Variants in AP2A1 observed in about 807,000 individuals in gnomAD.
AP2A1 encodes AP-2 complex subunit alpha-1.
In AP2A1, 21 loss-of-function variants were observed where a neutral mutation model predicts 107.3. That is an observed-to-expected ratio of 0.20 (90% confidence interval 0.14 to 0.28). AP2A1 has a LOEUF of 0.28. Among genes scored for constraint, AP2A1 ranks in the 10% least tolerant of loss-of-function variants. AP2A1 has a pLI of 1.00. For synonymous variants in AP2A1, 602 were observed against 564.8 expected (o/e 1.07, Z -0.93); for missense variants, 873 against 1,307.7 (o/e 0.67, Z 5.13).
intron 1 of AP2A1, among the ~76,000 whole-genome samples, chr19:49,769,219 C>T (rs547629806): frequency 6.6e-6 from 1 of 151,702 alleles, no homozygotes; most frequent in East Asian, 1.9e-4. Context: ...CCATTGCACT[C>T]CAGGCTGGGC....
At chr19:49,774,004 C>A (rs183914454) in intron 1 of AP2A1, among the ~76,000 whole-genome samples, 13 of 107,648 alleles carry the variant, frequency 1.2e-4, no homozygotes, top group African/African-American at 5.0e-4. Context: ...ACTTTTACTT[C>A]GAACTTGCTG....
rs376108165 is a variant in AP2A1 at position 49,787,796 on chromosome 19, C to T, written c.474-4139C>T. Among the ~76,000 whole-genome samples, 171 of 152,298 alleles carry T rather than the reference C, an allele frequency of 1.1e-3. 1 individual carries two copies. The South Asian group carries it at 0.024, about 21-fold the overall frequency. On this transcript the variant is annotated intron_variant, in intron 4 of 22. Transcript: ENST00000354293. ...GCAGTCCCTCCCCATTCCCTCTTCC[C>T]CCCAGCCCCTGGCTGCCACCAATCT... is the stretch of plus-strand genomic sequence containing the variant.
At chr19:49,790,785 T>G (rs2073132105) in intron 4 of AP2A1, among the ~76,000 whole-genome samples, 1 of 152,228 alleles carries the variant, frequency 6.6e-6, no homozygotes, top group Non-Finnish European at 1.5e-5. Flanking sequence ...TTTAAAAACC[T>G]AAGCCAGATC....
chr19:49,804,759 T>G (rs1170014390), intron 18 of AP2A1: 1 of 152,242 alleles, frequency 6.6e-6, no homozygotes, highest in African/African-American at 2.4e-5. Context: ...TTTTCTTTTT[T>G]TAAATAGAGT....
chr19:49,801,904 G>T lies in AP2A1; in HGVS notation c.1953+15G>T, dbSNP rs976617237. The T allele has an allele frequency of 6.1e-6, 9 of 1,467,556 alleles. No individual in the cohort carries two copies. The highest frequency in any genetic ancestry group is 1.4e-5 in the South Asian group (1 of 69,950). The allele number at this position is 1,467,556 out of a possible 1,614,324, so 90.9% of individuals were successfully genotyped here. A position where few individuals can be genotyped will look rare whatever the true frequency, so the allele number is the denominator to read the frequency against. ...CCAGCACTGTGGTGAGTCCCCTGGGGTGGGCCCTGCCAGGGTGCCTGGGGC... is the reference window on the plus strand; with the variant it reads ...CCAGCACTGTGGTGAGTCCCCTGGGTTGGGCCCTGCCAGGGTGCCTGGGGC... On this transcript the variant is annotated intron_variant, in intron 14 of 22. Coordinates refer to ENST00000354293, the MANE Select transcript of AP2A1 (RefSeq NM_130787.3).
At chr19:49,780,602 C>A (rs931647981) in intron 1 of AP2A1, among the ~76,000 whole-genome samples, 1 of 152,130 alleles carries the variant, frequency 6.6e-6, no homozygotes, top group Non-Finnish European at 1.5e-5. Flanking sequence ...TATGGAAACA[C>A]GAGGGAGGCA....
rs1443790955 is a variant in AP2A1 at position 49,782,108 on chromosome 19, G to A, written c.279+19G>A. 3.2e-6 allele frequency: 5 copies of A among 1,545,676 alleles called. No individual in the cohort carries two copies. Among genetic ancestry groups the A allele is most frequent in the Admixed American group, 2.0e-5 (1 of 50,424 alleles). On this transcript the variant is annotated intron_variant, in intron 3 of 22. Coordinates refer to ENST00000354293, the MANE Select transcript of AP2A1 (RefSeq NM_130787.3). Reference sequence around the variant, plus strand: ...GCAAATAGTGAGTCTGGAGAGGGGGGTGCCAGGGCCTGGACTCCTGGGTCT... The same window carrying A: ...GCAAATAGTGAGTCTGGAGAGGGGGATGCCAGGGCCTGGACTCCTGGGTCT...
intron 10 of AP2A1, 29 bp downstream of exon 10, chr19:49,799,795 CTT>C (rs763288834): frequency 4.4e-6 from 7 of 1,606,264 alleles, no homozygotes; most frequent in Non-Finnish European, 5.9e-6. Context: ...GGGCTGGACT[CTT>C]GGGTCTGAGG....
At chr19:49,795,236 C>G (rs984766609) in intron 6 of AP2A1, among the ~76,000 whole-genome samples, 12 of 152,324 alleles carry the variant, frequency 7.9e-5, no homozygotes, top group Admixed American at 7.8e-4. Context: ...GAGACCTTTC[C>G]TGCCCACCAC....
At chr19:49,767,317 C>T in intron 1 of AP2A1, 117 bp downstream of exon 1, 1 of 1,273,978 alleles carries the variant, frequency 7.8e-7, no homozygotes, top group East Asian at 2.4e-5. Flanking sequence ...CGTATAGGGA[C>T]AGCATAGATG....
At chr19:49,772,830 C>A (rs576922336) in intron 1 of AP2A1, among the ~76,000 whole-genome samples, 1 of 152,064 alleles carries the variant, frequency 6.6e-6, no homozygotes, top group South Asian at 2.1e-4. Context: ...AAAAAAAGGC[C>A]CTGATGCCCC....
chr19:49,802,401 T>G, intron 15 of AP2A1: 1 of 1,004,968 alleles, frequency 1.0e-6, no homozygotes, highest in Non-Finnish European at 1.5e-6. Flanking sequence ...AGCCTGCTCT[T>G]CCTTTTCTCC....
rs766833603 is a variant in AP2A1, at chr19:49,793,005, C to T, written c.618C>T (p.Ala206=). ...TGCCCCTGCAGGGTGTGGTCACGGC[C>T]GCCGTCAGCCTCATCACCTGTCTCT... ...LNDQHMGVVT[A]AVSLITCLCK... The change falls in exon 6 of 23, where the codon GCC becomes GCT. Residue 206 remains alanine (A), a synonymous_variant. Coordinates refer to ENST00000354293, the MANE Select transcript of AP2A1 (RefSeq NM_130787.3). 7 of 1,604,636 alleles carry T rather than the reference C, an allele frequency of 4.4e-6. No homozygotes were observed. The highest frequency in any genetic ancestry group is 2.7e-5 in the African/African-American group (2 of 74,776).
At chr19:49,771,155 T>C (rs1409191580) in intron 1 of AP2A1, among the ~76,000 whole-genome samples, 1 of 151,614 alleles carries the variant, frequency 6.6e-6, no homozygotes, top group Non-Finnish European at 1.5e-5. Context: ...CCGGCAGCAT[T>C]CAGAGCTTCT....
chr19:49,767,231 G>A, intron 1 of AP2A1, 31 bp downstream of exon 1: 1 of 1,607,888 alleles, frequency 6.2e-7, no homozygotes, highest in Non-Finnish European at 8.5e-7. Context: ...CACTGGAGAC[G>A]CGGGGGAGGG....
intron 4 of AP2A1, among the ~76,000 whole-genome samples, chr19:49,789,394 G>A (rs1454536446): frequency 2.6e-5 from 4 of 152,018 alleles, no homozygotes; most frequent in Admixed American, 2.0e-4. Context: ...AGGTTCAAGC[G>A]ATTCTCCTGC....
chr19:49,795,587 T>TTCC, intron 6 of AP2A1, 43 bp from the exon 7 acceptor site: 4 of 292,412 alleles, frequency 1.4e-5, no homozygotes, highest in South Asian at 9.6e-5. Flanking sequence ...CACGTGCCCC[T>TTCC]CCCACCCCAG....
At chr19:49,772,008 T>C (rs948501663) in intron 1 of AP2A1, among the ~76,000 whole-genome samples, 5 of 152,056 alleles carry the variant, frequency 3.3e-5, no homozygotes, top group African/African-American at 1.2e-4. Flanking sequence ...GGCAGAAGGA[T>C]TGCTTGAGGC....
chr19:49,771,558 G>A (rs1164401272), intron 1 of AP2A1, among the ~76,000 whole-genome samples: 1 of 151,712 alleles, frequency 6.6e-6, no homozygotes, highest in Non-Finnish European at 1.5e-5. Flanking sequence ...ATAGGCGCCC[G>A]CCACTATGCC....
Sources: allele counts gnomAD v4.1 joint callset (sites outside exome capture counted in the v4.1 genomes callset), GRCh38; gene constraint gnomAD v4.1.1; transcripts MANE v1.5; gene names NCBI Gene and HGNC (gene_info 2026-07-23, HGNC 2026-07-21).